Variants in ITGAV observed in about 807,000 individuals in gnomAD.
ITGAV encodes the protein integrin subunit alpha V, also known as integrin alpha-V.
In ITGAV, 76 loss-of-function variants were observed where a neutral mutation model predicts 143.8. The observed-to-expected ratio is 0.53, with a 90% CI of 0.44 to 0.64. The LOEUF (loss-of-function observed/expected upper bound fraction) is 0.64, where lower values mean the gene tolerates loss of function less well. Ranked by LOEUF, ITGAV falls within the 30% of genes least tolerant of loss-of-function variation. The pLI, the probability that ITGAV is intolerant of heterozygous loss-of-function variation, is 0.00. For missense variants in ITGAV, 1,193 were observed against 1,274.7 expected (o/e 0.94, Z 0.98); for synonymous variants, 453 against 446.7 (o/e 1.01, Z -0.18).
Position 186,640,943 on chromosome 2 carries a change from C to T in ITGAV, c.932C>T (p.Ala311Val). 6.3e-7 allele frequency: 1 copy of T among 1,597,096 alleles called. No individual in the cohort carries two copies. Among genetic ancestry groups the T allele is most frequent in the Non-Finnish European group, 8.6e-7 (1 of 1,169,274 alleles). ...QMAAYFGFSV[A>V]ATDINGDDYA... ...GCTGCATATTTCGGATTTTCTGTAGCTGCCACTGACATTAATGGAGATGAG... is the reference window on the plus strand; with the variant it reads ...GCTGCATATTTCGGATTTTCTGTAGTTGCCACTGACATTAATGGAGATGAG... Residue 311 changes from alanine (A) to valine (V), a missense_variant, in exon 11 of 30, where the codon GCT becomes GTT. By Grantham distance (64) the Ala-to-Val change is moderately conservative (BLOSUM62 0). Transcript: ENST00000261023.
At chr2:186,643,393 T>C (rs1688162081) in intron 12 of ITGAV, among the ~76,000 whole-genome samples, 2 of 152,190 alleles carry the variant, frequency 1.3e-5, no homozygotes, top group African/African-American at 4.8e-5. Context: ...CTGTAGCAAA[T>C]AGTAGATTGT....
At chr2:186,667,281 A>G (rs1688926680) in intron 23 of ITGAV, 51 bp downstream of exon 23, 1 of 1,416,894 alleles carries the variant, frequency 7.1e-7, no homozygotes, top group African/African-American at 1.4e-5. Flanking sequence ...TGCTTTTTAA[A>G]GGTAACTGTC....
Position 186,638,410 on chromosome 2 carries a change from T to C in ITGAV, c.848T>C (p.Val283Ala), listed in dbSNP as rs1688006640. 3.1e-6 allele frequency: 5 copies of C among 1,611,566 alleles called. No individual in the cohort carries two copies. The South Asian group carries it at 5.5e-5, about 18-fold the overall frequency. ...VPRAARTLGM[V>A]YIYDGKNMSS... ...CATACTTCTATTTTTCCTTCACAGG[T>C]TTATATTTATGATGGGAAGAACATG... Residue 283 changes from valine to alanine, a missense_variant and splice_region_variant, in exon 10 of 30, where the codon GTT becomes GCT. Physicochemically the swap from Val to Ala is moderately conservative, Grantham distance 64. Transcript: ENST00000261023.
At chr2:186,622,786 G>A (rs1310954804) in intron 3 of ITGAV, among the ~76,000 whole-genome samples, 1 of 151,530 alleles carries the variant, frequency 6.6e-6, no homozygotes, top group Admixed American at 6.6e-5. Flanking sequence ...TCCCTGAGAC[G>A]GAGTCTTGCT....
At chr2:186,668,040 C>G (rs1688948232) in intron 24 of ITGAV, 1 of 189,814 alleles carries the variant, frequency 5.3e-6, no homozygotes, top group Admixed American at 6.1e-5. Flanking sequence ...GTCATTGGTA[C>G]TTTCTCATGG....
chr2:186,650,897 A>C (rs374459785), intron 14 of ITGAV, among the ~76,000 whole-genome samples: 8 of 152,264 alleles, frequency 5.3e-5, no homozygotes, highest in African/African-American at 1.7e-4. Flanking sequence ...CTGTAGTTTT[A>C]ATCTCTCTAA....
Position 186,622,345 on chromosome 2 carries a change from G to C in ITGAV, c.323G>C (p.Arg108Thr), listed in dbSNP as rs1307304027. ...QPIEFDATGN[R>T]DYAKDDPLEF... ...TCACAATATTCTTTTTTAGGCAATA[G>C]AGATTATGCCAAGGATGATCCATTG... Residue 108 changes from arginine (R) to threonine (T), a missense_variant, in exon 3 of 30, where the codon AGA becomes ACA. Transcript: ENST00000261023. 5 of 1,609,230 alleles carry C rather than the reference G, an allele frequency of 3.1e-6. No homozygotes were observed. The highest frequency in any genetic ancestry group is 3.4e-6 in the Non-Finnish European group (4 of 1,175,738).
chr2:186,671,024 T>A (rs1689047302), intron 26 of ITGAV, among the ~76,000 whole-genome samples: 1 of 152,184 alleles, frequency 6.6e-6, no homozygotes, highest in Non-Finnish European at 1.5e-5. Context: ...ATTGCATCAG[T>A]ATTTTCTTTC....
intron 16 of ITGAV, among the ~76,000 whole-genome samples, chr2:186,655,944 C>T (rs960371257): frequency 1.9e-4 from 29 of 152,204 alleles, no homozygotes; most frequent in African/African-American, 6.7e-4. Context: ...TGGATTTCCT[C>T]CTCTCAGCTT....
chr2:186,641,079 T>G (rs1688090090), intron 11 of ITGAV, 112 bp downstream of exon 11: 1 of 863,726 alleles, frequency 1.2e-6, no homozygotes, highest in African/African-American at 1.7e-5. Context: ...TGCTAATCTT[T>G]CTGTTTAAGG....
chr2:186,662,005 C>T (rs371497366), intron 18 of ITGAV, among the ~76,000 whole-genome samples: 4 of 152,114 alleles, frequency 2.6e-5, no homozygotes, highest in Non-Finnish European at 5.9e-5. Context: ...AACTATCTTT[C>T]CTGACAGCAT....
intron 18 of ITGAV, 51 bp downstream of exon 18, chr2:186,659,226 A>T: frequency 1.6e-6 from 2 of 1,276,208 alleles, no homozygotes; most frequent in South Asian, 2.2e-5. Flanking sequence ...TTTTTTTTAC[A>T]ATTCATATTT....
At chr2:186,651,580 T>G (rs1014524368) in intron 14 of ITGAV, among the ~76,000 whole-genome samples, 2 of 151,510 alleles carry the variant, frequency 1.3e-5, no homozygotes, top group Admixed American at 1.3e-4. Flanking sequence ...ACTTTTTGGG[T>G]TTTTTTTTCT....
chr2:186,630,315 G>C (rs1687781680), intron 4 of ITGAV, among the ~76,000 whole-genome samples: 1 of 151,388 alleles, frequency 6.6e-6, no homozygotes, highest in Non-Finnish European at 1.5e-5. Context: ...CAACTTGTTA[G>C]TGTTTTATGA....
intron 11 of ITGAV, 43 bp downstream of exon 11, chr2:186,641,010 G>A: frequency 7.2e-7 from 1 of 1,379,346 alleles, no homozygotes; most frequent in Non-Finnish European, 1.0e-6. Flanking sequence ...ATCTTCTCAT[G>A]TTTACGAATA....
intron 1 of ITGAV, among the ~76,000 whole-genome samples, chr2:186,596,730 A>G (rs1033460228): frequency 3.9e-5 from 6 of 152,088 alleles, no homozygotes; most frequent in Non-Finnish European, 5.9e-5. Flanking sequence ...ATTTTTTTAT[A>G]TAGCATCTTT....
intron 1 of ITGAV, among the ~76,000 whole-genome samples, chr2:186,596,307 T>C (rs1199528499): frequency 3.3e-5 from 5 of 152,240 alleles, no homozygotes; most frequent in African/African-American, 1.2e-4. Context: ...GCTGCTTAGA[T>C]CACAAACATT....
intron 3 of ITGAV, among the ~76,000 whole-genome samples, chr2:186,623,353 T>A (rs570625341): frequency 3.3e-4 from 51 of 152,290 alleles, no homozygotes; most frequent in African/African-American, 1.2e-3. Context: ...AACATCCCTT[T>A]TTTTTTTAGA....
At chr2:186,668,220 T>A (rs376922036) in intron 24 of ITGAV, among the ~76,000 whole-genome samples, 115 of 37,100 alleles carry the variant, frequency 3.1e-3, no homozygotes, top group East Asian at 6.4e-3. Flanking sequence ...ATATATATTT[T>A]TTTTTTTTTT....
Sources: gnomAD v4.1 joint callset for allele counts (sites outside exome capture counted in the v4.1 genomes callset) on GRCh38, gnomAD v4.1.1 for gene constraint, MANE v1.5 for transcripts, NCBI Gene and HGNC (gene_info 2026-07-23, HGNC 2026-07-21) for gene names.